DOCK4: variants seen among roughly 807,000 people sequenced by gnomAD.
DOCK4 encodes the protein dedicator of cytokinesis 4.
Under a neutral mutation model 268.1 loss-of-function variants are expected in DOCK4, and 97 were observed. That is an observed-to-expected ratio of 0.36 (90% CI 0.31 to 0.43). The LOEUF is 0.43. Among genes scored for constraint, DOCK4 ranks in the 20% least tolerant of loss-of-function variants. The probability of loss-of-function intolerance (pLI) is 1.00; values close to 1 mark genes in which losing one functional copy is unlikely to be tolerated. For missense variants in DOCK4, 2,145 were observed against 2,455.7 expected, an observed-to-expected ratio of 0.87 and a Z score of 2.67; for synonymous variants, 954 against 887.2, an observed-to-expected ratio of 1.08 and a Z score of -1.34.
chr7:112,190,057 C>A (rs941593940), intron 1 of DOCK4, among the ~76,000 whole-genome samples: 9 of 152,202 alleles, frequency 5.9e-5, no homozygotes, highest in Admixed American at 5.9e-4. Context: ...AGTCAGGATA[C>A]CCTCATCCAC....
chr7:112,078,668 C>T (rs1430253173), intron 1 of DOCK4, among the ~76,000 whole-genome samples: 2 of 152,042 alleles, frequency 1.3e-5, no homozygotes, highest in Non-Finnish European at 2.9e-5. Context: ...GATGTCAATC[C>T]CTTGGACATC....
At chr7:112,201,419 G>T (rs566267528) in intron 1 of DOCK4, among the ~76,000 whole-genome samples, 5 of 152,068 alleles carry the variant, frequency 3.3e-5, no homozygotes, top group Non-Finnish European at 2.9e-5. Context: ...TTCTTATAAG[G>T]TTCATGGATT....
At chr7:111,790,310 T>C (rs557697152) in intron 31 of DOCK4, 147 bp downstream of exon 31, 19 of 832,700 alleles carry the variant, frequency 2.3e-5, no homozygotes, top group Non-Finnish European at 2.9e-5. Context: ...TCCACGGCTG[T>C]GTGGCTTGGG....
At chr7:112,061,958 T>C (rs945437396) in intron 1 of DOCK4, among the ~76,000 whole-genome samples, 1 of 152,178 alleles carries the variant, frequency 6.6e-6, no homozygotes, top group Non-Finnish European at 1.5e-5. Context: ...TTTATAAACA[T>C]TATTTAATTC....
rs560764348 is a variant in DOCK4, at chr7:111,827,223, C to CT, written c.2836-4768dup. Among the ~76,000 whole-genome samples the CT allele has an allele frequency of 5.3e-5, 8 of 152,236 alleles. No individual in the cohort carries two copies. The South Asian group carries it at 1.2e-3, about 24-fold the overall frequency. ...GAAACTTATATTCTTAAAATGGAAT[C>CT]TTTAAGTATCTTACGCAAAATAACT... On this transcript the variant is annotated intron_variant, in intron 26 of 52. Transcript: ENST00000428084.
intron 1 of DOCK4, among the ~76,000 whole-genome samples, chr7:112,129,342 A>C (rs1813580937): frequency 6.6e-6 from 1 of 152,236 alleles, no homozygotes; most frequent in African/African-American, 2.4e-5. Flanking sequence ...ATGGAGAACA[A>C]ACAAGTATTT....
chr7:111,898,239 A>G (rs1314400131), intron 15 of DOCK4, among the ~76,000 whole-genome samples: 8 of 152,238 alleles, frequency 5.3e-5, no homozygotes, highest in Admixed American at 4.6e-4. Flanking sequence ...AAGGCCAAGC[A>G]TATTTCAACC....
chr7:111,769,432 C>T, intron 37 of DOCK4, 97 bp downstream of exon 37: 1 of 1,465,870 alleles, frequency 6.8e-7, no homozygotes, highest in South Asian at 1.2e-5. Flanking sequence ...AGGATCCCTG[C>T]TTAAGGAGGT....
At chr7:111,785,762 A>G (rs959598969) in intron 32 of DOCK4, among the ~76,000 whole-genome samples, 1 of 152,192 alleles carries the variant, frequency 6.6e-6, no homozygotes, top group Non-Finnish European at 1.5e-5. Context: ...ACTCTATAAT[A>G]ATGCCCATGT....
chr7:111,743,820 T>A (rs1796092226), intron 44 of DOCK4, among the ~76,000 whole-genome samples: 1 of 152,166 alleles, frequency 6.6e-6, no homozygotes, highest in Non-Finnish European at 1.5e-5. Context: ...AAAATTTATC[T>A]GTATTTTAAT....
chr7:111,741,129 GC>G lies in DOCK4; in HGVS notation c.5004del (p.Gln1669AsnfsTer20). The part of the protein sequence containing the change: ...QASAEVSNIT[G>X]QSESSDEVFN... The stretch of plus-strand genomic sequence containing the variant: ...AAGACTTCATCAGAGCTTTCTGATT[GC>G]CCTGTAATATTGCTTACTTCAGCAG... On this transcript the variant is annotated frameshift_variant, in exon 47 of 53. Transcript: ENST00000428084. LOFTEE classifies it high-confidence loss of function. 6.2e-7 allele frequency: 1 copy of G among 1,613,916 alleles called. No homozygotes were observed. The highest frequency in any genetic ancestry group is 8.5e-7 in the Non-Finnish European group (1 of 1,179,848).
At chr7:112,131,620 A>ATACATACATTATTTATTCACTTTTTTT (rs1813807589) in intron 1 of DOCK4, among the ~76,000 whole-genome samples, 1 of 152,186 alleles carries the variant, frequency 6.6e-6, no homozygotes, top group African/African-American at 2.4e-5. Flanking sequence ...AAACAGCTAA[A>ATACATACATTATTTATTCACTTTTTTT]ATGTGATACA....
chr7:111,827,849 A>C (rs1470218497), intron 26 of DOCK4, among the ~76,000 whole-genome samples: 2 of 152,186 alleles, frequency 1.3e-5, no homozygotes, highest in Admixed American at 1.3e-4. Flanking sequence ...AATGGGAAGT[A>C]CTCAGAGTTT....
chr7:112,106,675 T>G (rs1811170448), intron 1 of DOCK4, among the ~76,000 whole-genome samples: 1 of 152,238 alleles, frequency 6.6e-6, no homozygotes, highest in South Asian at 2.1e-4. Flanking sequence ...TTGATGTTAC[T>G]ACCCCAGAGA....
At chr7:111,859,961 A>G (rs1014539016) in intron 23 of DOCK4, among the ~76,000 whole-genome samples, 2 of 152,032 alleles carry the variant, frequency 1.3e-5, no homozygotes, top group Non-Finnish European at 2.9e-5. Context: ...TTTATTATAG[A>G]TCTTTAGTTA....
chr7:111,875,336 TTCTG>T (rs1217583347), intron 17 of DOCK4, among the ~76,000 whole-genome samples: 1 of 152,210 alleles, frequency 6.6e-6, no homozygotes, highest in East Asian at 1.9e-4. Flanking sequence ...CAGGATTTGT[TTCTG>T]TCTTATTTTC....
At chr7:111,786,365 A>T (rs1055098877) in intron 32 of DOCK4, among the ~76,000 whole-genome samples, 1 of 152,100 alleles carries the variant, frequency 6.6e-6, no homozygotes, top group African/African-American at 2.4e-5. Flanking sequence ...GGAATGAGCG[A>T]ATCAGGTGGA....
chr7:112,101,572 T>C (rs960523595), intron 1 of DOCK4, among the ~76,000 whole-genome samples: 1 of 152,228 alleles, frequency 6.6e-6, no homozygotes, highest in African/African-American at 2.4e-5. Context: ...ACTGTTGTTA[T>C]GATTTTCCAC....
rs1408948772 is a variant in DOCK4, at chr7:111,739,124, C to T, written c.5232+10G>A. On this transcript the variant is annotated intron_variant, in intron 49 of 52. Transcript: ENST00000428084. ...CTTGTTTTCTAGTTTCTCTACCCTACAAGGAGTACCTGCGAAGGCTCCACA... is the reference window on the plus strand; with the variant it reads ...CTTGTTTTCTAGTTTCTCTACCCTATAAGGAGTACCTGCGAAGGCTCCACA... 1.9e-6 allele frequency: 3 copies of T among 1,606,450 alleles called. No individual in the cohort carries two copies. The highest frequency in any genetic ancestry group is 2.6e-6 in the Non-Finnish European group (3 of 1,173,284).
Sources: allele counts gnomAD v4.1 joint callset (sites outside exome capture counted in the v4.1 genomes callset), GRCh38; gene constraint gnomAD v4.1.1; transcripts MANE v1.5; gene names NCBI Gene and HGNC (gene_info 2026-07-23, HGNC 2026-07-21).